Variants in GPC5 observed in about 807,000 individuals in gnomAD.
The protein encoded by GPC5 is glypican 5, also known as glypican-5.
A neutral mutation model predicts 53.9 loss-of-function variants in GPC5; 47 were observed. The observed-to-expected ratio is 0.87, with a 90% CI of 0.69 to 1.11. The LOEUF (loss-of-function observed/expected upper bound fraction) is 1.11. Among genes scored for constraint, GPC5 ranks in the 50% most tolerant of loss-of-function variants. The pLI is 0.00. For synonymous variants in GPC5, 286 were observed against 263.3 expected, an observed-to-expected ratio of 1.09 and a Z score of -0.84; for missense variants, 748 against 713.1, an observed-to-expected ratio of 1.05 and a Z score of -0.56.
chr13:91,521,090 C>T (rs1228572782), intron 2 of GPC5, among the ~76,000 whole-genome samples: 1 of 152,026 alleles, frequency 6.6e-6, no homozygotes, highest in Non-Finnish European at 1.5e-5. Flanking sequence ...GTTACATTAT[C>T]CTTTGTTATG....
chr13:92,020,330 G>A (rs2040746510), intron 6 of GPC5, among the ~76,000 whole-genome samples: 1 of 152,090 alleles, frequency 6.6e-6, no homozygotes, highest in Admixed American at 6.5e-5. Context: ...GGATTAGGAA[G>A]GAGACATCTC....
chr13:91,806,517 C>T (rs2038225503), intron 5 of GPC5, among the ~76,000 whole-genome samples: 1 of 151,790 alleles, frequency 6.6e-6, no homozygotes, highest in Non-Finnish European at 1.5e-5. Context: ...GGGGGTGATG[C>T]CTCACATTCT....
At chr13:91,937,000 CCA>C (rs1277514944) in intron 6 of GPC5, among the ~76,000 whole-genome samples, 6 of 152,116 alleles carry the variant, frequency 3.9e-5, no homozygotes, top group South Asian at 2.1e-4. Flanking sequence ...GAGAGCTGCA[CCA>C]CACAGTCTTC....
chr13:92,171,754 A>T (rs1273339910), intron 7 of GPC5, among the ~76,000 whole-genome samples: 2 of 152,204 alleles, frequency 1.3e-5, no homozygotes, highest in Non-Finnish European at 2.9e-5. Context: ...TTTAATGCAT[A>T]GGTAATTGAG....
At chr13:92,258,314 T>C (rs1030202312) in intron 7 of GPC5, among the ~76,000 whole-genome samples, 1 of 152,212 alleles carries the variant, frequency 6.6e-6, no homozygotes, top group Non-Finnish European at 1.5e-5. Flanking sequence ...TGTGCTGAAA[T>C]GTATCCTGAA....
At chr13:92,421,187 T>A (rs1413532090) in intron 7 of GPC5, among the ~76,000 whole-genome samples, 2 of 152,144 alleles carry the variant, frequency 1.3e-5, no homozygotes, top group East Asian at 3.9e-4. Context: ...CAATCCCTTT[T>A]CTAAATGTAA....
chr13:92,146,266 CT>C (rs60200840), intron 7 of GPC5, among the ~76,000 whole-genome samples: 6 of 151,598 alleles, frequency 4.0e-5, no homozygotes, highest in Non-Finnish European at 8.8e-5. Flanking sequence ...TCCTTTTTTT[CT>C]TTCTTTGGTT....
chr13:91,980,904 A>T (rs2138716014), intron 6 of GPC5, among the ~76,000 whole-genome samples: 1 of 152,292 alleles, frequency 6.6e-6, no homozygotes, highest in South Asian at 2.1e-4. Context: ...TGGTAGATTT[A>T]TCTATATTAA....
At position 91,490,800 on chromosome 13, in the gene GPC5, T is replaced by G. The variant is rs532019817; in HGVS notation, c.325+41878T>G. Among the ~76,000 whole-genome samples, 24 of 152,336 alleles carry G rather than the reference T, an allele frequency of 1.6e-4. No homozygotes were observed. In the East Asian group the frequency reaches 2.3e-3, roughly 15 times the overall value. On this transcript the variant is annotated intron_variant, in intron 2 of 7. Coordinates refer to ENST00000377067, the MANE Select transcript of GPC5 (RefSeq NM_004466.6). Reference sequence around the variant, plus strand: ...TCAAACAACTTTCTTCTTTGCTGCTTCTTCTTGTTTCTTCTTTTTATTTTG... The same window carrying G: ...TCAAACAACTTTCTTCTTTGCTGCTGCTTCTTGTTTCTTCTTTTTATTTTG...
At chr13:91,871,877 G>A (rs192701134) in intron 5 of GPC5, among the ~76,000 whole-genome samples, 1 of 151,970 alleles carries the variant, frequency 6.6e-6, no homozygotes, top group Non-Finnish European at 1.5e-5. Flanking sequence ...GGCTGCTTCA[G>A]GTGTGTGACT....
At chr13:92,213,644 T>C (rs2042390564) in intron 7 of GPC5, among the ~76,000 whole-genome samples, 2 of 152,194 alleles carry the variant, frequency 1.3e-5, no homozygotes, top group Admixed American at 6.5e-5. Context: ...TAATAATCTG[T>C]GACATTCCAA....
At chr13:92,515,992 T>G (rs1472532701) in intron 7 of GPC5, among the ~76,000 whole-genome samples, 1 of 152,220 alleles carries the variant, frequency 6.6e-6, no homozygotes, top group Non-Finnish European at 1.5e-5. Context: ...TTTTCTAGTG[T>G]GATATTACTA....
intron 7 of GPC5, among the ~76,000 whole-genome samples, chr13:92,264,870 CTCTCTCTCTGTGTGTGTGTGTGTGTGTG>C (rs1392604722): frequency 5.8e-4 from 69 of 118,336 alleles, no homozygotes; most frequent in African/African-American, 2.7e-3. Flanking sequence ...CTCTCTCTCT[CTCTCTCTCTGTGTGTGTGTGTGTGTGTG>C]TGTGTGTGTG....
intron 3 of GPC5, among the ~76,000 whole-genome samples, chr13:91,721,415 G>T (rs1225687925): frequency 6.6e-6 from 1 of 152,118 alleles, no homozygotes; most frequent in South Asian, 2.1e-4. Flanking sequence ...GATTACAGGC[G>T]TGAGCCACCG....
chr13:91,897,843 T>C (rs111567261), intron 5 of GPC5, among the ~76,000 whole-genome samples: 1 of 152,192 alleles, frequency 6.6e-6, no homozygotes, highest in African/African-American at 2.4e-5. Context: ...TTCTATTTGC[T>C]GTGTGGTGCA....
intron 7 of GPC5, among the ~76,000 whole-genome samples, chr13:92,609,432 G>T (rs1884363413): frequency 6.6e-6 from 1 of 152,100 alleles, no homozygotes; most frequent in Non-Finnish European, 1.5e-5. Context: ...CTAAAGAAAA[G>T]TAAAAGGAAA....
intron 2 of GPC5, among the ~76,000 whole-genome samples, chr13:91,619,940 T>C (rs988127073): frequency 3.3e-5 from 5 of 152,140 alleles, no homozygotes; most frequent in Non-Finnish European, 7.4e-5. Flanking sequence ...GGCCATCAAA[T>C]CTACCACCAG....
At chr13:92,705,772 G>A (rs1887929510) in intron 7 of GPC5, among the ~76,000 whole-genome samples, 1 of 152,030 alleles carries the variant, frequency 6.6e-6, no homozygotes, top group Admixed American at 6.6e-5. Context: ...GTATTAAACA[G>A]TGAGTTTGCA....
At chr13:92,018,792 A>G (rs1055128741) in intron 6 of GPC5, among the ~76,000 whole-genome samples, 5 of 152,206 alleles carry the variant, frequency 3.3e-5, no homozygotes, top group African/African-American at 1.2e-4. Context: ...ATATTTTTCA[A>G]TAGTATATGC....
Sources: allele counts gnomAD v4.1 joint callset (sites outside exome capture counted in the v4.1 genomes callset), GRCh38; gene constraint gnomAD v4.1.1; transcripts MANE v1.5; gene names NCBI Gene and HGNC (gene_info 2026-07-23, HGNC 2026-07-21).